MFSD6: variants seen among roughly 807,000 people sequenced by gnomAD.
MFSD6 encodes the protein major facilitator superfamily domain-containing protein 6.
Under a neutral mutation model 56.3 loss-of-function variants are expected in MFSD6, and 26 were observed. That is an observed-to-expected ratio of 0.46 (90% CI 0.34 to 0.64). MFSD6 has a LOEUF of 0.64. MFSD6 is among the 30% of genes least tolerant of loss of function. The pLI, the probability that MFSD6 is intolerant of heterozygous loss-of-function variation, is 0.01. For missense variants in MFSD6, 750 were observed against 986.2 expected (o/e 0.76, Z 3.21); for synonymous variants, 331 against 366.9 (o/e 0.90, Z 1.12).
rs1258508474 is a variant in MFSD6 at position 190,500,492 on chromosome 2, T to C, written c.*274T>C. On this transcript the variant is annotated 3_prime_UTR_variant, in exon 8 of 8. Coordinates refer to ENST00000392328, the MANE Select transcript of MFSD6 (RefSeq NM_017694.4). The surrounding 1 kb of genome is among the most constrained non-coding windows in gnomAD (Gnocchi z 5.3). ...CTTTGCTTGGTTAGGTTAAGGATGA[T>C]AGAATTTCTCTGCCAGTGCAGTAAG... 5.0e-6 allele frequency: 2 copies of C among 402,474 alleles called. No homozygotes were observed. Among genetic ancestry groups the C allele is most frequent in the East Asian group, 4.3e-5 (1 of 23,350 alleles). 24.9% of individuals were successfully genotyped at this position (402,474 alleles called of 1,614,324 possible). A position where few individuals can be genotyped will look rare whatever the true frequency, so the allele number is the denominator to read the frequency against.
chr2:190,491,773 C>T lies in MFSD6; in HGVS notation c.1891+1907C>T, dbSNP rs1342744084. Among the ~76,000 whole-genome samples the T allele has an allele frequency of 1.3e-5, 2 of 152,178 alleles. No homozygotes were observed. The highest frequency in any genetic ancestry group is 1.5e-5 in the Non-Finnish European group (1 of 68,036). Reference sequence around the variant, plus strand: ...GTTCTTTAACCTGCCCCAACAAAATCACACTAGCACCAGCAATAGATCCAA... The same window carrying T: ...GTTCTTTAACCTGCCCCAACAAAATTACACTAGCACCAGCAATAGATCCAA... On this transcript the variant is annotated intron_variant, in intron 6 of 7. Transcript: ENST00000392328. The surrounding 1 kb of genome is among the most constrained non-coding windows in gnomAD (Gnocchi z 4.2).
Position 190,488,732 on chromosome 2 carries a change from C to G in MFSD6, c.1706C>G (p.Ser569Cys). The G allele has an allele frequency of 6.2e-7, 1 of 1,610,142 alleles. No homozygotes were observed. The highest frequency in any genetic ancestry group is 8.5e-7 in the Non-Finnish European group (1 of 1,178,274). ...GCCGTTCCCCCTGAGCTGAGGACAT[C>G]TGCTCAGGGCATCCTGCAGGGCCTT... ...SAAVPPELRT[S>C]AQGILQGLHL... Residue 569 changes from serine to cysteine, a missense_variant, in exon 5 of 8, where the codon TCT becomes TGT. Coordinates refer to ENST00000392328, the MANE Select transcript of MFSD6 (RefSeq NM_017694.4). The surrounding 1 kb of genome is among the most constrained non-coding windows in gnomAD (Gnocchi z 6.4).
chr2:190,484,443 T>C lies in MFSD6; in HGVS notation c.1631-4214T>C, dbSNP rs535929331. Among the ~76,000 whole-genome samples, 3 of 152,342 alleles carry C rather than the reference T, an allele frequency of 2.0e-5. 1 individual carries two copies. The South Asian group carries it at 6.2e-4, about 32-fold the overall frequency. ...TTCTTTTTCTAGTTTATAATATCTTTTGTCCCCTCTACTTTACAGGAATGT... is the reference window on the plus strand; with the variant it reads ...TTCTTTTTCTAGTTTATAATATCTTCTGTCCCCTCTACTTTACAGGAATGT... On this transcript the variant is annotated intron_variant, in intron 4 of 7. Coordinates refer to ENST00000392328, the MANE Select transcript of MFSD6 (RefSeq NM_017694.4).
intron 4 of MFSD6, among the ~76,000 whole-genome samples, chr2:190,483,728 G>A (rs901255021): frequency 6.6e-6 from 1 of 151,512 alleles, no homozygotes; most frequent in Non-Finnish European, 1.5e-5. Context: ...CCAGCTACTC[G>A]GAAGGCTGAG....
At chr2:190,455,934 CTTTTTTT>C (rs34054506) in intron 3 of MFSD6, among the ~76,000 whole-genome samples, 7 of 65,370 alleles carry the variant, frequency 1.1e-4, no homozygotes, top group Admixed American at 2.7e-4. Context: ...ATTTACTCTG[CTTTTTTT>C]TTTTTTTTTT....
rs1439670029 is a variant in MFSD6, at chr2:190,415,224, A to C, written c.-175-68A>C. On this transcript the variant is annotated intron_variant, in intron 1 of 7. Coordinates refer to ENST00000392328, the MANE Select transcript of MFSD6 (RefSeq NM_017694.4). This position sits in a 1 kb window ranked among gnomAD's most constrained non-coding sequence, Gnocchi z 4.5. ...ATACTCACCAGCATTGAATATTTCC[A>C]TTTTAAAAATTATTGGTATGGTATG... 6.6e-6 allele frequency: 1 copy of C among 152,186 alleles called. No individual in the cohort carries two copies. The highest frequency in any genetic ancestry group is 2.4e-5 in the African/African-American group (1 of 41,440). 9.4% of individuals were successfully genotyped at this position (152,186 alleles called of 1,614,324 possible).
rs766295132 is a variant in MFSD6, at chr2:190,448,764, A to G, written c.1532+11203A>G. On this transcript the variant is annotated intron_variant, in intron 3 of 7. Transcript: ENST00000392328. ...GATGGGGAACAAAGGGGACCTCTAC[A>G]TTATCTGTAATATTTTTTTCTTTAA... 4.3e-4 allele frequency among the ~76,000 whole-genome samples: 66 copies of G among 152,336 alleles called. 1 individual carries two copies. The highest frequency in any genetic ancestry group is 7.6e-4 in the Non-Finnish European group (52 of 68,026).
Position 190,467,008 on chromosome 2 carries a change from C to T in MFSD6, c.1533-2750C>T, listed in dbSNP as rs1352948773. Among the ~76,000 whole-genome samples the T allele has an allele frequency of 6.6e-6, 1 of 152,168 alleles. No homozygotes were observed. Among genetic ancestry groups the T allele is most frequent in the Admixed American group, 6.5e-5 (1 of 15,276 alleles). On this transcript the variant is annotated intron_variant, in intron 3 of 7. Transcript: ENST00000392328. The surrounding 1 kb of genome is among the most constrained non-coding windows in gnomAD (Gnocchi z 5.5). Reference sequence around the variant, plus strand: ...TTAAGCCAGGAGTTTTGGACTATGGCCTGGATTGAATTACAGTTGTCATGG... The same window carrying T: ...TTAAGCCAGGAGTTTTGGACTATGGTCTGGATTGAATTACAGTTGTCATGG...
rs759697980 is a variant in MFSD6 at position 190,413,568 on chromosome 2, CTA to C, written c.-175-1722_-175-1721del. On this transcript the variant is annotated intron_variant, in intron 1 of 7. Transcript: ENST00000392328. This position sits in a 1 kb window ranked among gnomAD's most constrained non-coding sequence, Gnocchi z 4.1. ...GGAAAGACAGGGAAAGACAGGGACACTATGAATCAGCAGTGGGCAGAGTGAGC... is the reference window on the plus strand; with the variant it reads ...GGAAAGACAGGGAAAGACAGGGACACTGAATCAGCAGTGGGCAGAGTGAGC... 2.0e-5 allele frequency among the ~76,000 whole-genome samples: 3 copies of C among 151,932 alleles called. No individual in the cohort carries two copies. The highest frequency in any genetic ancestry group is 4.4e-5 in the Non-Finnish European group (3 of 67,990).
chr2:190,439,937 G>T lies in MFSD6; in HGVS notation c.1532+2376G>T, dbSNP rs1686311447. Among the ~76,000 whole-genome samples the T allele has an allele frequency of 6.6e-6, 1 of 152,188 alleles. No individual in the cohort carries two copies. The highest frequency in any genetic ancestry group is 1.5e-5 in the Non-Finnish European group (1 of 68,032). Reference sequence around the variant, plus strand: ...TTTGGGAGCTCAGTCAGGTGGTATTGGTTGTGATTTGGGGATTTAAACTTT... The same window carrying T: ...TTTGGGAGCTCAGTCAGGTGGTATTTGTTGTGATTTGGGGATTTAAACTTT... On this transcript the variant is annotated intron_variant, in intron 3 of 7. Coordinates refer to ENST00000392328, the MANE Select transcript of MFSD6 (RefSeq NM_017694.4). This position sits in a 1 kb window ranked among gnomAD's most constrained non-coding sequence, Gnocchi z 5.8.
rs1161980325 is a variant in MFSD6 at position 190,433,983 on chromosome 2, G to T, written c.-53-1994G>T. ...AGGCAAGAGGATCACTTGAGCCCAG[G>T]AGTTGGAGAACGGCCTGGGCAACAT... On this transcript the variant is annotated intron_variant, in intron 2 of 7. Coordinates refer to ENST00000392328, the MANE Select transcript of MFSD6 (RefSeq NM_017694.4). This position sits in a 1 kb window ranked among gnomAD's most constrained non-coding sequence, Gnocchi z 4.5. 6.6e-6 allele frequency among the ~76,000 whole-genome samples: 1 copy of T among 152,104 alleles called. No homozygotes were observed. Among genetic ancestry groups the T allele is most frequent in the African/African-American group, 2.4e-5 (1 of 41,410 alleles).
intron 2 of MFSD6, among the ~76,000 whole-genome samples, chr2:190,421,288 T>C (rs1685603677): frequency 6.6e-6 from 1 of 152,228 alleles, no homozygotes; most frequent in Admixed American, 6.5e-5. Context: ...TAAAGTTCAC[T>C]CTAAGGCCCC....
rs1686641774 is a variant in MFSD6 at position 190,447,885 on chromosome 2, TTACCATGTAATATAGC to T, written c.1532+10330_1532+10345del. Among the ~76,000 whole-genome samples, 1 of 152,188 alleles carries T rather than the reference TTACCATGTAATATAGC, an allele frequency of 6.6e-6. No individual in the cohort carries two copies. Among genetic ancestry groups the T allele is most frequent in the African/African-American group, 2.4e-5 (1 of 41,454 alleles). On this transcript the variant is annotated intron_variant, in intron 3 of 7. Transcript: ENST00000392328. The surrounding 1 kb of genome is among the most constrained non-coding windows in gnomAD (Gnocchi z 4.5). ...AAGAACATCTTTGCAAAGAAATATC[TTACCATGTAATATAGC>T]TACCAGGCTGACTTATTAATAACAG...
intron 3 of MFSD6, among the ~76,000 whole-genome samples, chr2:190,448,326 A>T (rs190450472): frequency 6.6e-6 from 1 of 152,326 alleles, no homozygotes; most frequent in East Asian, 1.9e-4. Context: ...CCCTGGAGAA[A>T]CTCATACACA....
chr2:190,429,516 CG>C, intron 2 of MFSD6, among the ~76,000 whole-genome samples: 1 of 151,836 alleles, frequency 6.6e-6, no homozygotes, highest in East Asian at 1.9e-4. Flanking sequence ...TTAGTAAAGA[CG>C]GGGTTTCATC....
At position 190,458,942 on chromosome 2, in the gene MFSD6, A is replaced by G. The variant is rs1411598858; in HGVS notation, c.1533-10816A>G. 6.6e-6 allele frequency among the ~76,000 whole-genome samples: 1 copy of G among 152,212 alleles called. No homozygotes were observed. Among genetic ancestry groups the G allele is most frequent in the East Asian group, 1.9e-4 (1 of 5,202 alleles). ...CAAGTTCAGCTGAGAACAGAGAATC[A>G]TGCTTAGTTTCTGCTTAGCAGAAGG... On this transcript the variant is annotated intron_variant, in intron 3 of 7. Coordinates refer to ENST00000392328, the MANE Select transcript of MFSD6 (RefSeq NM_017694.4). This position sits in a 1 kb window ranked among gnomAD's most constrained non-coding sequence, Gnocchi z 5.3.
At chr2:190,466,084 G>A (rs1316008718) in intron 3 of MFSD6, among the ~76,000 whole-genome samples, 2 of 152,188 alleles carry the variant, frequency 1.3e-5, no homozygotes, top group Non-Finnish European at 1.5e-5. Context: ...TTTTCTTCCA[G>A]AGTTTTTATT....
In MFSD6 at chr2:190,425,173, A is replaced by C. The variant is rs1171950894; in HGVS notation, c.-54+9760A>C. On this transcript the variant is annotated intron_variant, in intron 2 of 7. Transcript: ENST00000392328. This position sits in a 1 kb window ranked among gnomAD's most constrained non-coding sequence, Gnocchi z 4.3. The stretch of plus-strand genomic sequence containing the variant: ...TTGCTAGTATACAGAAATACAATTA[A>C]TTATTGTATGCTTATCTTGTATCCT... Among the ~76,000 whole-genome samples the C allele has an allele frequency of 6.6e-6, 1 of 152,144 alleles. No individual in the cohort carries two copies. The highest frequency in any genetic ancestry group is 1.5e-5 in the Non-Finnish European group (1 of 68,018).
At position 190,485,633 on chromosome 2, in the gene MFSD6, A is replaced by G. The variant is rs557856394; in HGVS notation, c.1631-3024A>G. Among the ~76,000 whole-genome samples, 18 of 152,282 alleles carry G rather than the reference A, an allele frequency of 1.2e-4. No homozygotes were observed. Among genetic ancestry groups the G allele is most frequent in the Non-Finnish European group, 2.4e-4 (16 of 67,994 alleles). Reference sequence around the variant, plus strand: ...CTTACAATTATTCCCATTAGGTACTATGGTGTCAACACTCATAATTAAGAC... The same window carrying G: ...CTTACAATTATTCCCATTAGGTACTGTGGTGTCAACACTCATAATTAAGAC... On this transcript the variant is annotated intron_variant, in intron 4 of 7. Transcript: ENST00000392328. This position sits in a 1 kb window ranked among gnomAD's most constrained non-coding sequence, Gnocchi z 5.1.
Sources: gnomAD v4.1 joint callset for allele counts (sites outside exome capture counted in the v4.1 genomes callset) on GRCh38, gnomAD v4.1.1 for gene constraint, Gnocchi (gnomAD v3.1) non-coding constraint, MANE v1.5 for transcripts, NCBI Gene and HGNC (gene_info 2026-07-23, HGNC 2026-07-21) for gene names.